The following SPAG16 variants were observed in gnomAD, a reference collection of about 807,000 sequenced individuals.
SPAG16 encodes sperm-associated antigen 16 protein.
Under a neutral mutation model 80.4 loss-of-function variants are expected in SPAG16, and 86 were observed. That is an observed-to-expected ratio of 1.07 (90% CI 0.90 to 1.28). SPAG16 has a LOEUF of 1.28. Among genes scored for constraint, SPAG16 ranks in the 50% most tolerant of loss-of-function variants. SPAG16 has a pLI of 0.00. For synonymous variants in SPAG16, 294 were observed against 265.9 expected, an observed-to-expected ratio of 1.11 and a Z score of -1.03; for missense variants, 870 against 765.3, an observed-to-expected ratio of 1.14 and a Z score of -1.61.
intron 15 of SPAG16, among the ~76,000 whole-genome samples, chr2:214,178,084 A>C (rs548618760): frequency 5.2e-4 from 76 of 146,946 alleles, no homozygotes; most frequent in Admixed American, 2.5e-3. Flanking sequence ...ATACATTTAC[A>C]CAGAAGAAAC....
intron 10 of SPAG16, among the ~76,000 whole-genome samples, chr2:213,741,420 A>T (rs1370206619): frequency 6.6e-6 from 1 of 152,178 alleles, no homozygotes; most frequent in Non-Finnish European, 1.5e-5. Context: ...TTCAAAAACC[A>T]GAAGCAAATA....
At chr2:213,783,164 T>TG (rs1413184070) in intron 10 of SPAG16, among the ~76,000 whole-genome samples, 13 of 150,954 alleles carry the variant, frequency 8.6e-5, no homozygotes, top group Admixed American at 4.6e-4. Flanking sequence ...TTTTTGTTCT[T>TG]GCGATAGTTT....
intron 6 of SPAG16, among the ~76,000 whole-genome samples, chr2:213,348,079 G>A (rs1291100201): frequency 1.3e-5 from 2 of 152,110 alleles, no homozygotes; most frequent in Non-Finnish European, 2.9e-5. Flanking sequence ...CCTGTATTAG[G>A]TGCACATATA....
chr2:214,335,685 T>C (rs1389696706), intron 15 of SPAG16, among the ~76,000 whole-genome samples: 2 of 151,804 alleles, frequency 1.3e-5, no homozygotes, highest in African/African-American at 2.4e-5. Flanking sequence ...TATGGTGTCA[T>C]ATAAATGTTT....
At chr2:213,781,789 A>C (rs1297200414) in intron 10 of SPAG16, among the ~76,000 whole-genome samples, 1 of 152,202 alleles carries the variant, frequency 6.6e-6, no homozygotes, top group African/African-American at 2.4e-5. Flanking sequence ...GTGTTCATTG[A>C]AGAGCTTTTT....
intron 10 of SPAG16, among the ~76,000 whole-genome samples, chr2:213,697,061 G>A (rs2065185594): frequency 6.6e-6 from 1 of 152,124 alleles, no homozygotes; most frequent in Non-Finnish European, 1.5e-5. Flanking sequence ...ACAAATTGAG[G>A]GATAGAACTT....
At chr2:214,382,819 A>G (rs1015423074) in intron 15 of SPAG16, among the ~76,000 whole-genome samples, 3 of 152,142 alleles carry the variant, frequency 2.0e-5, no homozygotes, top group Non-Finnish European at 2.9e-5. Context: ...AGGTACAGAG[A>G]GCATCATGGA....
At chr2:214,256,808 T>C (rs1576610995) in intron 15 of SPAG16, among the ~76,000 whole-genome samples, 1 of 149,530 alleles carries the variant, frequency 6.7e-6, no homozygotes, top group East Asian at 2.0e-4. Flanking sequence ...TACCACACTT[T>C]CCTTAATGTA....
intron 10 of SPAG16, among the ~76,000 whole-genome samples, chr2:213,819,850 G>A (rs1211749028): frequency 4.0e-5 from 6 of 151,696 alleles, no homozygotes; most frequent in Non-Finnish European, 7.4e-5. Flanking sequence ...TCTGCCTCCC[G>A]GGTTCAAACA....
intron 15 of SPAG16, among the ~76,000 whole-genome samples, chr2:214,171,319 T>G (rs745968418): frequency 2.0e-4 from 30 of 151,946 alleles, no homozygotes; most frequent in Non-Finnish European, 3.7e-4. Flanking sequence ...ATAGATAGTT[T>G]ATGGGTGCTT....
chr2:214,325,527 C>T (rs958235119), intron 15 of SPAG16, among the ~76,000 whole-genome samples: 5 of 152,046 alleles, frequency 3.3e-5, no homozygotes, highest in African/African-American at 1.2e-4. Flanking sequence ...AATGGGGCAT[C>T]ATTTGGAGGG....
At chr2:214,061,988 C>T (rs2050282813) in intron 13 of SPAG16, among the ~76,000 whole-genome samples, 1 of 135,052 alleles carries the variant, frequency 7.4e-6, no homozygotes, top group African/African-American at 3.0e-5. Context: ...CATGCACACA[C>T]ACACACACAC....
chr2:214,153,798 A>C (rs1238651174), intron 15 of SPAG16, among the ~76,000 whole-genome samples: 1 of 152,180 alleles, frequency 6.6e-6, no homozygotes, highest in African/African-American at 2.4e-5. Context: ...TTTTAAGTCA[A>C]GATATAAACA....
intron 15 of SPAG16, among the ~76,000 whole-genome samples, chr2:214,285,936 G>A (rs891681888): frequency 6.6e-5 from 10 of 152,172 alleles, no homozygotes; most frequent in Admixed American, 3.3e-4. Context: ...AAATGTCATC[G>A]TCTAGACCAA....
chr2:213,395,022 A>G (rs1315818448), intron 9 of SPAG16, among the ~76,000 whole-genome samples: 1 of 152,186 alleles, frequency 6.6e-6, no homozygotes, highest in Non-Finnish European at 1.5e-5. Flanking sequence ...AAAGTTGTTT[A>G]TAGTGTTCTC....
chr2:214,095,818 C>T (rs930777217), intron 13 of SPAG16, among the ~76,000 whole-genome samples: 1 of 151,890 alleles, frequency 6.6e-6, no homozygotes, highest in African/African-American at 2.4e-5. Flanking sequence ...TAGAGTTAAA[C>T]ATTTGTTAAG....
chr2:213,717,363 T>C (rs1017086988), intron 10 of SPAG16, among the ~76,000 whole-genome samples: 3 of 152,034 alleles, frequency 2.0e-5, no homozygotes, highest in South Asian at 4.1e-4. Context: ...GGTTTCACCA[T>C]GTTAGCCAGG....
chr2:214,355,933 A>C (rs1698764096), intron 15 of SPAG16, among the ~76,000 whole-genome samples: 1 of 148,910 alleles, frequency 6.7e-6, no homozygotes, highest in African/African-American at 2.5e-5. Context: ...ACAAAAAACC[A>C]AACACCGCAT....
At chr2:214,213,823 G>A (rs369336034) in intron 15 of SPAG16, among the ~76,000 whole-genome samples, 1 of 152,324 alleles carries the variant, frequency 6.6e-6, no homozygotes, top group South Asian at 2.1e-4. Context: ...CTGGGTAGGT[G>A]AAGGTGCTAC....
Sources: allele counts gnomAD v4.1 joint callset (sites outside exome capture counted in the v4.1 genomes callset), GRCh38; gene constraint gnomAD v4.1.1; transcripts MANE v1.5; gene names NCBI Gene and HGNC (gene_info 2026-07-23, HGNC 2026-07-21).